The following GNL1 variants were observed in gnomAD, a reference collection of about 807,000 sequenced individuals.
GNL1 encodes guanine nucleotide-binding protein-like 1.
Under a neutral mutation model 75.2 loss-of-function variants are expected in GNL1, and 21 were observed. That is an observed-to-expected ratio of 0.28 (90% CI 0.20 to 0.40). The LOEUF is 0.40. Ranked by LOEUF, GNL1 falls within the 10% of genes least tolerant of loss-of-function variation. GNL1 has a pLI of 1.00. For synonymous variants in GNL1, 287 were observed against 303.4 expected (o/e 0.95, Z 0.56); for missense variants, 579 against 775.0 (o/e 0.75, Z 3.00).
chr6:30,553,687 T>C, intron 5 of GNL1, 130 bp from the exon 6 acceptor site: 1 of 657,570 alleles, frequency 1.5e-6, no homozygotes, highest in Non-Finnish European at 2.7e-6. Context: ...CTAAAAACTA[T>C]AAACCAGACA....
Position 30,551,213 on chromosome 6 carries a change from C to T in GNL1, c.1099+1254G>A, listed in dbSNP as rs143854150. On this transcript the variant is annotated intron_variant, in intron 8 of 11. Coordinates refer to ENST00000376621, the MANE Select transcript of GNL1 (RefSeq NM_005275.5). ...ACAGCAAACACTCTCCCTCTCACAC[C>T]ACCTGGAATAGAGATCAGCTAGAGC... 9.2e-3 allele frequency among the ~76,000 whole-genome samples: 1,398 copies of T among 152,252 alleles called. 6 individuals are homozygous for T. The highest frequency in any genetic ancestry group is 0.034 in the Middle Eastern group (10 of 294).
chr6:30,554,445 A>G (rs1800003490), intron 5 of GNL1, 130 bp downstream of exon 5: 1 of 718,294 alleles, frequency 1.4e-6, no homozygotes, highest in Non-Finnish European at 2.5e-6. Context: ...AACTGCGGAC[A>G]TCAGCACTAG....
chr6:30,547,231 T>C lies in GNL1; in HGVS notation c.1322A>G (p.Tyr441Cys), dbSNP rs771492713. Residue 441 changes from tyrosine (Y) to cysteine (C), a missense_variant, in exon 10 of 12, where the codon TAC (tyrosine) becomes TGC (cysteine). Transcript: ENST00000376621. The surrounding 1 kb of genome is among the most constrained non-coding windows in gnomAD (Gnocchi z 5.5). ...IYPIAQIQEP[Y>C]TAVGYLASRI... ...GGAGGCCAGGTAGCCCACAGCAGTG[T>C]AGGGCTCCTGGATCTGGGCGATAGG... 84 of 1,611,212 alleles carry C rather than the reference T, an allele frequency of 5.2e-5. No homozygotes were observed. Among genetic ancestry groups the C allele is most frequent in the Non-Finnish European group, 6.9e-5 (81 of 1,178,654 alleles).
At position 30,556,282 on chromosome 6, in the gene GNL1, C is replaced by A; in HGVS notation, c.-79G>T. 1 of 1,550,998 alleles carries A rather than the reference C, an allele frequency of 6.4e-7. No homozygotes were observed. Among genetic ancestry groups the A allele is most frequent in the Non-Finnish European group, 8.8e-7 (1 of 1,140,926 alleles). On this transcript the variant is annotated 5_prime_UTR_variant, in exon 1 of 12. Coordinates refer to ENST00000376621, the MANE Select transcript of GNL1 (RefSeq NM_005275.5). This position sits in a 1 kb window ranked among gnomAD's most constrained non-coding sequence, Gnocchi z 5.7. ...GACTGCCCCCCGGGGCAGCCCCCGC[C>A]GCAGGGGCCCGGGACCCTAGAGGAG...
chr6:30,555,443 A>C lies in GNL1; in HGVS notation c.239+112T>G. 2 of 1,113,792 alleles carry C rather than the reference A, an allele frequency of 1.8e-6. No individual in the cohort carries two copies. The highest frequency in any genetic ancestry group is 2.8e-5 in the South Asian group (2 of 70,268). The allele number at this position is 1,113,792 out of a possible 1,614,324, so 69.0% of individuals were successfully genotyped here. A position where few individuals can be genotyped will look rare whatever the true frequency, so the allele number is the denominator to read the frequency against. On this transcript the variant is annotated intron_variant, in intron 2 of 11. Coordinates refer to ENST00000376621, the MANE Select transcript of GNL1 (RefSeq NM_005275.5). This position sits in a 1 kb window ranked among gnomAD's most constrained non-coding sequence, Gnocchi z 4.3. Reference sequence around the variant, plus strand: ...GTGGGGAGCCGAGTGGCTAGCGGAGAACTGTGGCATCCCAGGCCCACCGTC... The same window carrying C: ...GTGGGGAGCCGAGTGGCTAGCGGAGCACTGTGGCATCCCAGGCCCACCGTC...
At position 30,547,609 on chromosome 6, in the gene GNL1, G is replaced by A. The variant is rs1338317655; in HGVS notation, c.1100-79C>T. 3.4e-6 allele frequency: 4 copies of A among 1,165,896 alleles called. No homozygotes were observed. Among genetic ancestry groups the A allele is most frequent in the Non-Finnish European group, 5.0e-6 (4 of 796,300 alleles). 72.2% of individuals were successfully genotyped at this position (1,165,896 alleles called of 1,614,324 possible). A position where few individuals can be genotyped will look rare whatever the true frequency, so the allele number is the denominator to read the frequency against. On this transcript the variant is annotated intron_variant, in intron 8 of 11. Transcript: ENST00000376621. The surrounding 1 kb of genome is among the most constrained non-coding windows in gnomAD (Gnocchi z 5.5). ...CTTGGTGCTATACCTATAGGTAAAAGGGGAACTAAGGCTCAGAAATTAAGG... is the reference window on the plus strand; with the variant it reads ...CTTGGTGCTATACCTATAGGTAAAAAGGGAACTAAGGCTCAGAAATTAAGG...
Position 30,546,374 on chromosome 6 carries a change from A to G in GNL1, c.1583-61T>C, listed in dbSNP as rs1799453034. 13 of 1,004,584 alleles carry G rather than the reference A, an allele frequency of 1.3e-5. No homozygotes were observed. Among genetic ancestry groups the G allele is most frequent in the Non-Finnish European group, 1.8e-5 (12 of 663,606 alleles). The allele number at this position is 1,004,584 out of a possible 1,614,324, so 62.2% of individuals were successfully genotyped here. ...TTTTGAGCAAGAACTAAAGCCAAGGAAAGATGGGGAAGAGGCAAAGACTAG... is the reference window on the plus strand; with the variant it reads ...TTTTGAGCAAGAACTAAAGCCAAGGGAAGATGGGGAAGAGGCAAAGACTAG... On this transcript the variant is annotated intron_variant, in intron 11 of 11. Transcript: ENST00000376621. This position sits in a 1 kb window ranked among gnomAD's most constrained non-coding sequence, Gnocchi z 5.1.
rs925879269 is a variant in GNL1 at position 30,545,217 on chromosome 6, A to G, written c.*855T>C. 1.3e-5 allele frequency: 2 copies of G among 152,216 alleles called. No homozygotes were observed. Among genetic ancestry groups the G allele is most frequent in the African/African-American group, 4.8e-5 (2 of 41,454 alleles). 9.4% of individuals were successfully genotyped at this position (152,216 alleles called of 1,614,324 possible). On this transcript the variant is annotated 3_prime_UTR_variant, in exon 12 of 12. Transcript: ENST00000376621. ...CTCGTAGCTGCCAAGCTTTTAAACAATGAAACTTAACACTGTACTTAAAGG... is the reference window on the plus strand; with the variant it reads ...CTCGTAGCTGCCAAGCTTTTAAACAGTGAAACTTAACACTGTACTTAAAGG...
chr6:30,554,476 AAGAT>A, intron 5 of GNL1, 95 bp downstream of exon 5: 1 of 781,468 alleles, frequency 1.3e-6, no homozygotes, highest in East Asian at 2.4e-5. Context: ...GAAAGACAGG[AAGAT>A]AGATACCTCT....
rs1562702081 is a variant in GNL1, at chr6:30,547,240, T to C, written c.1313A>G (p.Gln438Arg). 1 of 1,609,938 alleles carries C rather than the reference T, an allele frequency of 6.2e-7. No individual in the cohort carries two copies. The change falls in exon 10 of 12, where the codon CAG (glutamine) becomes CGG (arginine). Residue 438 changes from glutamine (Q) to arginine (R), a missense_variant. Coordinates refer to ENST00000376621, the MANE Select transcript of GNL1 (RefSeq NM_005275.5). The surrounding 1 kb of genome is among the most constrained non-coding windows in gnomAD (Gnocchi z 5.5). ...LAGIYPIAQI[Q>R]EPYTAVGYLA... ...GTAGCCCACAGCAGTGTAGGGCTCCTGGATCTGGGCGATAGGGTAGATCCC... is the reference window on the plus strand; with the variant it reads ...GTAGCCCACAGCAGTGTAGGGCTCCCGGATCTGGGCGATAGGGTAGATCCC...
chr6:30,554,996 TC>T, intron 3 of GNL1, 58 bp downstream of exon 3: 3 of 1,610,764 alleles, frequency 1.9e-6, no homozygotes, highest in Non-Finnish European at 2.5e-6. Context: ...TTCCTCACAG[TC>T]GGCTTTTACC....
In GNL1 at chr6:30,546,416, T is replaced by C; in HGVS notation, c.1583-103A>G. The C allele has an allele frequency of 2.7e-6, 2 of 747,454 alleles. No homozygotes were observed. Among genetic ancestry groups the C allele is most frequent in the South Asian group, 1.6e-5 (1 of 62,424 alleles). The allele number at this position is 747,454 out of a possible 1,614,324, so 46.3% of individuals were successfully genotyped here. On this transcript the variant is annotated intron_variant, in intron 11 of 11. Transcript: ENST00000376621. This position sits in a 1 kb window ranked among gnomAD's most constrained non-coding sequence, Gnocchi z 5.1. ...AAAGACTAGGAATAACAATAATCTT[T>C]AGAGCTGCTGGCATTCATTCATTCA...
At position 30,555,203 on chromosome 6, in the gene GNL1, G is replaced by C. The variant is rs200339515; in HGVS notation, c.240-12C>G. 5.3e-4 allele frequency: 848 copies of C among 1,612,896 alleles called. No individual in the cohort carries two copies. Among genetic ancestry groups the C allele is most frequent in the Non-Finnish European group, 6.6e-4 (778 of 1,180,028 alleles). On this transcript the variant is annotated splice_polypyrimidine_tract_variant and intron_variant, in intron 2 of 11. Coordinates refer to ENST00000376621, the MANE Select transcript of GNL1 (RefSeq NM_005275.5). The surrounding 1 kb of genome is among the most constrained non-coding windows in gnomAD (Gnocchi z 4.3). ...AATGCAGTCGGTATCTAAGGGAACAGGGACCGAGACATCCAGAGCAATCCT... is the reference window on the plus strand; with the variant it reads ...AATGCAGTCGGTATCTAAGGGAACACGGACCGAGACATCCAGAGCAATCCT...
Position 30,552,795 on chromosome 6 carries a change from T to C in GNL1, c.905-134A>G. 1 of 769,700 alleles carries C rather than the reference T, an allele frequency of 1.3e-6. No individual in the cohort carries two copies. The highest frequency in any genetic ancestry group is 2.1e-6 in the Non-Finnish European group (1 of 486,586). The allele number at this position is 769,700 out of a possible 1,614,324, so 47.7% of individuals were successfully genotyped here. A position where few individuals can be genotyped will look rare whatever the true frequency, so the allele number is the denominator to read the frequency against. On this transcript the variant is annotated intron_variant, in intron 7 of 11. Coordinates refer to ENST00000376621, the MANE Select transcript of GNL1 (RefSeq NM_005275.5). This position sits in a 1 kb window ranked among gnomAD's most constrained non-coding sequence, Gnocchi z 4.5. ...CAGTGCCAACCTAAATAAGAGCAGGTCAGAGAATCTCCCAAAAGTCATTTG... is the reference window on the plus strand; with the variant it reads ...CAGTGCCAACCTAAATAAGAGCAGGCCAGAGAATCTCCCAAAAGTCATTTG...
rs776481016 is a variant in GNL1 at position 30,555,746 on chromosome 6, G to GT, written c.74-27dup. The GT allele has an allele frequency of 3.7e-6, 6 of 1,610,310 alleles. No homozygotes were observed. The South Asian group carries it at 5.5e-5, about 15-fold the overall frequency. On this transcript the variant is annotated intron_variant, in intron 1 of 11. Coordinates refer to ENST00000376621, the MANE Select transcript of GNL1 (RefSeq NM_005275.5). This position sits in a 1 kb window ranked among gnomAD's most constrained non-coding sequence, Gnocchi z 4.3. ...CTGCGGGGAGGGGCCGGTGACGCCA[G>GT]TGCTGGCCAGCTCTCAGGGGCCATA...
chr6:30,555,835 C>T lies in GNL1; in HGVS notation c.74-115G>A. 1 of 1,129,880 alleles carries T rather than the reference C, an allele frequency of 8.9e-7. No individual in the cohort carries two copies. The highest frequency in any genetic ancestry group is 1.3e-6 in the Non-Finnish European group (1 of 785,276). 70.0% of individuals were successfully genotyped at this position (1,129,880 alleles called of 1,614,324 possible). A position where few individuals can be genotyped will look rare whatever the true frequency, so the allele number is the denominator to read the frequency against. Reference sequence around the variant, plus strand: ...ACTCAACTTCTTCCGATGTTCAGTCCTCCCAGACACCCTATTTGGGACCCT... The same window carrying T: ...ACTCAACTTCTTCCGATGTTCAGTCTTCCCAGACACCCTATTTGGGACCCT... On this transcript the variant is annotated intron_variant, in intron 1 of 11. Coordinates refer to ENST00000376621, the MANE Select transcript of GNL1 (RefSeq NM_005275.5). The surrounding 1 kb of genome is among the most constrained non-coding windows in gnomAD (Gnocchi z 4.3).
At position 30,549,146 on chromosome 6, in the gene GNL1, C is replaced by T. The variant is rs575069361; in HGVS notation, c.1100-1616G>A. On this transcript the variant is annotated intron_variant, in intron 8 of 11. Transcript: ENST00000376621. ...CTGAGTAGCTGAGACCACAGGCGTG[C>T]GGCTCCACACCTGGCTAACTTTTTG... 3.9e-5 allele frequency among the ~76,000 whole-genome samples: 6 copies of T among 152,156 alleles called. No homozygotes were observed. In the South Asian group the frequency reaches 8.3e-4, roughly 21 times the overall value.
rs2127383783 is a variant in GNL1 at position 30,556,485 on chromosome 6, G to A, written c.-282C>T. The A allele has an allele frequency of 1.8e-6, 1 of 546,666 alleles. No individual in the cohort carries two copies. The highest frequency in any genetic ancestry group is 3.3e-6 in the Non-Finnish European group (1 of 305,476). The allele number at this position is 546,666 out of a possible 1,614,324, so 33.9% of individuals were successfully genotyped here. A position where few individuals can be genotyped will look rare whatever the true frequency, so the allele number is the denominator to read the frequency against. ...CACCGAGAGGGCGCCCCGGCGGCGA[G>A]GAAGGAGGCGCGCGTGGGAGGACCA... On this transcript the variant is annotated 5_prime_UTR_variant, in exon 1 of 12. Coordinates refer to ENST00000376621, the MANE Select transcript of GNL1 (RefSeq NM_005275.5). This position sits in a 1 kb window ranked among gnomAD's most constrained non-coding sequence, Gnocchi z 5.7.
In GNL1 at chr6:30,547,067, A is replaced by G. The variant is rs767051545; in HGVS notation, c.1441+45T>C. The G allele has an allele frequency of 6.5e-7, 1 of 1,543,248 alleles. No homozygotes were observed. On this transcript the variant is annotated intron_variant, in intron 10 of 11. Transcript: ENST00000376621. The surrounding 1 kb of genome is among the most constrained non-coding windows in gnomAD (Gnocchi z 5.5). The stretch of plus-strand genomic sequence containing the variant: ...GTAAAAGGCGAGGCAGGTAAGGAAG[A>G]GCAGCTGAAACCAGGTGGGGCGAAG...
Sources: allele counts gnomAD v4.1 joint callset (sites outside exome capture counted in the v4.1 genomes callset), GRCh38; gene constraint gnomAD v4.1.1; non-coding constraint Gnocchi (gnomAD v3.1); transcripts MANE v1.5; gene names NCBI Gene and HGNC (gene_info 2026-07-23, HGNC 2026-07-21).